The following TMC1 variants were observed in gnomAD, a reference collection of about 807,000 sequenced individuals.
The protein encoded by TMC1 is transmembrane channel-like protein 1.
Under a neutral mutation model 105.8 loss-of-function variants are expected in TMC1, and 84 were observed. The observed-to-expected ratio is 0.79, with a 90% CI of 0.67 to 0.95. TMC1 has a LOEUF of 0.95. TMC1 is among the 40% of genes least tolerant of loss of function. The probability of loss-of-function intolerance (pLI) is 0.00; values close to 1 mark genes in which losing one functional copy is unlikely to be tolerated. For synonymous variants in TMC1, 315 were observed against 311.5 expected, an observed-to-expected ratio of 1.01 and a Z score of -0.12; for missense variants, 817 against 914.1, an observed-to-expected ratio of 0.89 and a Z score of 1.37.
At chr9:72,782,435 A>G (rs768618365) in intron 13 of TMC1, among the ~76,000 whole-genome samples, 7 of 152,326 alleles carry the variant, frequency 4.6e-5, no homozygotes, top group East Asian at 3.9e-4. Flanking sequence ...TTCTTATTCA[A>G]CATAGTACGG....
intron 19 of TMC1, among the ~76,000 whole-genome samples, chr9:72,819,730 C>T (rs75539584): frequency 0.012 from 1,889 of 152,246 alleles, 53 homozygotes; most frequent in African/African-American, 0.043. Flanking sequence ...ACCAAATTTA[C>T]GTTGGATTGG....
At chr9:72,539,219 C>CA (rs1422338926) in intron 1 of TMC1, among the ~76,000 whole-genome samples, 4 of 97,216 alleles carry the variant, frequency 4.1e-5, no homozygotes, top group Admixed American at 4.0e-4. Context: ...CCCATCTCTA[C>CA]AAAAAATACA....
chr9:72,836,276 G>A lies in TMC1; in HGVS notation c.*303G>A, dbSNP rs1428205364. The A allele has an allele frequency of 5.3e-6, 2 of 376,620 alleles. No homozygotes were observed. Among genetic ancestry groups the A allele is most frequent in the Non-Finnish European group, 9.5e-6 (2 of 210,140 alleles). The allele number at this position is 376,620 out of a possible 1,614,324, so 23.3% of individuals were successfully genotyped here. A position where few individuals can be genotyped will look rare whatever the true frequency, so the allele number is the denominator to read the frequency against. ...GAAGTGAGTGTAATCCAGCAATACAGTTTACTGGTTTAGTTGGTGGGTTAA... is the reference window on the plus strand; with the variant it reads ...GAAGTGAGTGTAATCCAGCAATACAATTTACTGGTTTAGTTGGTGGGTTAA... On this transcript the variant is annotated 3_prime_UTR_variant, in exon 24 of 24. Transcript: ENST00000297784.
At chr9:72,610,727 G>T (rs1825011848) in intron 2 of TMC1, among the ~76,000 whole-genome samples, 1 of 152,216 alleles carries the variant, frequency 6.6e-6, no homozygotes, top group Non-Finnish European at 1.5e-5. Context: ...CTGTTACCCA[G>T]TCAAGTGGAT....
At chr9:72,832,601 G>A (rs1419393863) in intron 23 of TMC1, among the ~76,000 whole-genome samples, 1 of 152,120 alleles carries the variant, frequency 6.6e-6, no homozygotes, top group African/African-American at 2.4e-5. Flanking sequence ...ACCTACCTAA[G>A]AGAAGGAGAA....
At chr9:72,737,408 G>T (rs1014770374) in intron 8 of TMC1, among the ~76,000 whole-genome samples, 1 of 152,146 alleles carries the variant, frequency 6.6e-6, no homozygotes, top group East Asian at 1.9e-4. Context: ...GCAAGCAGGG[G>T]TGCGATTGCC....
chr9:72,593,237 A>G (rs1824665897), intron 2 of TMC1, among the ~76,000 whole-genome samples: 1 of 152,156 alleles, frequency 6.6e-6, no homozygotes, highest in Non-Finnish European at 1.5e-5. Flanking sequence ...ATTTCAGAAA[A>G]CAGAAACAGG....
chr9:72,587,975 A>G (rs1326353207), intron 2 of TMC1, among the ~76,000 whole-genome samples: 1 of 151,362 alleles, frequency 6.6e-6, no homozygotes, highest in African/African-American at 2.4e-5. Context: ...TTTTAGTAGA[A>G]ATGGGGTGTC....
At chr9:72,723,520 C>T (rs183091728) in intron 8 of TMC1, among the ~76,000 whole-genome samples, 28 of 152,188 alleles carry the variant, frequency 1.8e-4, no homozygotes, top group Admixed American at 1.4e-3. Context: ...GAACAATGTC[C>T]GTGACAGTTT....
intron 5 of TMC1, among the ~76,000 whole-genome samples, chr9:72,664,537 G>C (rs985003601): frequency 1.3e-5 from 2 of 152,130 alleles, no homozygotes; most frequent in Non-Finnish European, 2.9e-5. Context: ...GAGCAGATGA[G>C]CAGACAAACA....
intron 13 of TMC1, among the ~76,000 whole-genome samples, chr9:72,773,464 G>T (rs773447765): frequency 3.3e-5 from 5 of 152,088 alleles, no homozygotes; most frequent in Non-Finnish European, 5.9e-5. Flanking sequence ...TCACTTACTT[G>T]TTCCTCCAGA....
intron 5 of TMC1, among the ~76,000 whole-genome samples, chr9:72,666,164 C>T (rs953798955): frequency 5.9e-5 from 9 of 152,048 alleles, no homozygotes; most frequent in African/African-American, 1.9e-4. Flanking sequence ...GCCAGTAATC[C>T]CAGCACTTTG....
chr9:72,668,371 C>T (rs986968474), intron 5 of TMC1, among the ~76,000 whole-genome samples: 2 of 152,360 alleles, frequency 1.3e-5, no homozygotes, highest in Admixed American at 6.5e-5. Flanking sequence ...TGTGCTCCTT[C>T]AGCTGAACCA....
At chr9:72,529,210 G>A (rs1823456434) in intron 1 of TMC1, among the ~76,000 whole-genome samples, 2 of 151,972 alleles carry the variant, frequency 1.3e-5, no homozygotes, top group Non-Finnish European at 2.9e-5. Context: ...GAATACCAAG[G>A]GATAACTCTA....
At chr9:72,587,542 C>T (rs1450891154) in intron 2 of TMC1, among the ~76,000 whole-genome samples, 2 of 152,162 alleles carry the variant, frequency 1.3e-5, no homozygotes, top group Non-Finnish European at 2.9e-5. Context: ...CATGGGTTGG[C>T]AACATAGCCC....
chr9:72,673,642 A>G (rs1014265414), intron 5 of TMC1, among the ~76,000 whole-genome samples: 2 of 152,120 alleles, frequency 1.3e-5, no homozygotes, highest in African/African-American at 4.8e-5. Flanking sequence ...TATGATAAAA[A>G]ACTCAGGCCA....
chr9:72,830,882 G>A (rs187176007), intron 23 of TMC1, among the ~76,000 whole-genome samples, 200 bp downstream of exon 23: 1 of 151,360 alleles, frequency 6.6e-6, no homozygotes, highest in Admixed American at 6.6e-5. Context: ...TCTAGTGGGA[G>A]GAAAAAAAGA....
At chr9:72,597,799 A>T (rs776394975) in intron 2 of TMC1, among the ~76,000 whole-genome samples, 5 of 152,102 alleles carry the variant, frequency 3.3e-5, no homozygotes, top group Non-Finnish European at 7.4e-5. Context: ...CTTCCCTGAG[A>T]TATCTGTATC....
At chr9:72,577,539 T>G (rs1266838732) in intron 1 of TMC1, among the ~76,000 whole-genome samples, 2 of 152,262 alleles carry the variant, frequency 1.3e-5, no homozygotes, top group African/African-American at 4.8e-5. Context: ...TGAGTTTCTG[T>G]AGCAGCCTGA....
Sources: gnomAD v4.1 joint callset for allele counts (sites outside exome capture counted in the v4.1 genomes callset) on GRCh38, gnomAD v4.1.1 for gene constraint, MANE v1.5 for transcripts, NCBI Gene and HGNC (gene_info 2026-07-23, HGNC 2026-07-21) for gene names.